CAMK4: variants seen among roughly 807,000 people sequenced by gnomAD.
CAMK4 encodes calcium/calmodulin dependent protein kinase IV, also known as calcium/calmodulin-dependent protein kinase type IV.
In CAMK4, 22 loss-of-function variants were observed where a neutral mutation model predicts 44.9. The ratio of observed to expected loss-of-function variants is 0.49; its 90% CI spans 0.35 to 0.70. The LOEUF (loss-of-function observed/expected upper bound fraction) is 0.70, where lower values mean the gene tolerates loss of function less well. Ranked by LOEUF, CAMK4 falls within the 30% of genes least tolerant of loss-of-function variation. The pLI is 0.01. For synonymous variants in CAMK4, 218 were observed against 215.4 expected, an observed-to-expected ratio of 1.01 and a Z score of -0.11; for missense variants, 498 against 586.8, an observed-to-expected ratio of 0.85 and a Z score of 1.56.
intron 7 of CAMK4, among the ~76,000 whole-genome samples, chr5:111,469,830 G>T (rs1183031963): frequency 6.6e-6 from 1 of 152,112 alleles, no homozygotes; most frequent in African/African-American, 2.4e-5. Flanking sequence ...ATAATATAAT[G>T]GGTAGCAGGT....
At chr5:111,375,248 T>C (rs1027421915) in intron 3 of CAMK4, among the ~76,000 whole-genome samples, 2 of 152,206 alleles carry the variant, frequency 1.3e-5, no homozygotes. Flanking sequence ...AATTTTCCAT[T>C]ACTGAAAAAG....
intron 1 of CAMK4, among the ~76,000 whole-genome samples, chr5:111,298,430 A>G (rs535003902): frequency 1.4e-3 from 215 of 152,330 alleles, no homozygotes; most frequent in African/African-American, 5.1e-3. Flanking sequence ...AGAGAATTCA[A>G]CTGCTTCTCT....
At chr5:111,398,326 G>T (rs1380206763) in intron 5 of CAMK4, among the ~76,000 whole-genome samples, 3 of 152,282 alleles carry the variant, frequency 2.0e-5, no homozygotes, top group South Asian at 2.1e-4. Context: ...TGTGGATGGG[G>T]TGTGAATTGT....
chr5:111,423,565 T>C (rs1753107677), intron 5 of CAMK4, among the ~76,000 whole-genome samples: 1 of 152,238 alleles, frequency 6.6e-6, no homozygotes, highest in South Asian at 2.1e-4. Flanking sequence ...CCTATAAAAT[T>C]GCTGTTGCAG....
At chr5:111,426,491 C>T (rs545529829) in intron 5 of CAMK4, among the ~76,000 whole-genome samples, 11 of 152,212 alleles carry the variant, frequency 7.2e-5, no homozygotes, top group Admixed American at 5.2e-4. Context: ...TTTGCAAAGA[C>T]GCCAAGTCAA....
intron 1 of CAMK4, among the ~76,000 whole-genome samples, chr5:111,313,426 G>GTCCTTATACTTAAGA: frequency 6.6e-6 from 1 of 151,988 alleles, no homozygotes; most frequent in African/African-American, 2.4e-5. Flanking sequence ...TAAGAAATAT[G>GTCCTTATACTTAAGA]AATATCCACA....
intron 1 of CAMK4, among the ~76,000 whole-genome samples, chr5:111,280,360 A>G (rs1360880119): frequency 6.6e-6 from 1 of 152,250 alleles, no homozygotes; most frequent in African/African-American, 2.4e-5. Context: ...GGCAGACAAA[A>G]ATGCAATGGC....
At chr5:111,467,974 T>A (rs1188599964) in intron 7 of CAMK4, among the ~76,000 whole-genome samples, 1 of 94,184 alleles carries the variant, frequency 1.1e-5, no homozygotes, top group Non-Finnish European at 2.5e-5. Flanking sequence ...ACACACACCA[T>A]GGAATACTAC....
At chr5:111,293,340 A>T (rs1216449044) in intron 1 of CAMK4, among the ~76,000 whole-genome samples, 2 of 152,242 alleles carry the variant, frequency 1.3e-5, no homozygotes, top group African/African-American at 4.8e-5. Context: ...CAATATTTTT[A>T]AACCTATTAA....
intron 4 of CAMK4, among the ~76,000 whole-genome samples, chr5:111,383,212 G>T (rs185519579): frequency 6.6e-6 from 1 of 152,144 alleles, no homozygotes; most frequent in Admixed American, 6.5e-5. Flanking sequence ...TCTAGAAAAG[G>T]CATGAAGGGA....
intron 2 of CAMK4, among the ~76,000 whole-genome samples, chr5:111,372,940 G>T (rs950422552): frequency 6.6e-6 from 1 of 152,106 alleles, no homozygotes; most frequent in African/African-American, 2.4e-5. Flanking sequence ...CATATTAACT[G>T]TCAGGTATTA....
chr5:111,332,925 G>A (rs1294934239), intron 1 of CAMK4, among the ~76,000 whole-genome samples: 4 of 151,668 alleles, frequency 2.6e-5, no homozygotes, highest in East Asian at 3.9e-4. Flanking sequence ...TACTGAACAA[G>A]TAAAATGTGG....
At chr5:111,402,113 A>T (rs948541332) in intron 5 of CAMK4, among the ~76,000 whole-genome samples, 6 of 152,222 alleles carry the variant, frequency 3.9e-5, no homozygotes, top group African/African-American at 1.4e-4. Context: ...AGAAAATCAG[A>T]GTCAGAAAGC....
chr5:111,435,904 T>A (rs534352005), intron 5 of CAMK4, among the ~76,000 whole-genome samples: 4 of 152,214 alleles, frequency 2.6e-5, no homozygotes, highest in Non-Finnish European at 4.4e-5. Context: ...TCACAACATA[T>A]ACTTGTTCTA....
intron 1 of CAMK4, among the ~76,000 whole-genome samples, chr5:111,251,642 A>G (rs1749499192): frequency 6.6e-6 from 1 of 152,184 alleles, no homozygotes; most frequent in African/African-American, 2.4e-5. Flanking sequence ...GAGTCTTCTT[A>G]TGTCTATGCT....
At chr5:111,321,487 A>G (rs1348335817) in intron 1 of CAMK4, among the ~76,000 whole-genome samples, 1 of 146,302 alleles carries the variant, frequency 6.8e-6, no homozygotes, top group Non-Finnish European at 1.5e-5. Context: ...GTTTCTTAAT[A>G]TTAAATGCTA....
In CAMK4 at chr5:111,290,912, A is replaced by G. The variant is rs1747228313; in HGVS notation, c.162-53112A>G. Reference sequence around the variant, plus strand: ...GGATTCCATCAAGAAACTTGGGCTTATATAGTCCAAATCCCATTTAAATTA... The same window carrying G: ...GGATTCCATCAAGAAACTTGGGCTTGTATAGTCCAAATCCCATTTAAATTA... On this transcript the variant is annotated intron_variant, in intron 1 of 10. Transcript: ENST00000282356. The surrounding 1 kb of genome is among the most constrained non-coding windows in gnomAD (Gnocchi z 4.5). 6.6e-6 allele frequency among the ~76,000 whole-genome samples: 1 copy of G among 152,226 alleles called. No individual in the cohort carries two copies. Among genetic ancestry groups the G allele is most frequent in the African/African-American group, 2.4e-5 (1 of 41,464 alleles).
intron 2 of CAMK4, among the ~76,000 whole-genome samples, chr5:111,351,409 CTT>C (rs1230580699): frequency 7.7e-5 from 11 of 142,594 alleles, no homozygotes; most frequent in Admixed American, 1.4e-4. Flanking sequence ...TTTTCTTTTT[CTT>C]TTTTTTTTTT....
chr5:111,268,189 T>C (rs1287159010), intron 1 of CAMK4, among the ~76,000 whole-genome samples: 1 of 152,232 alleles, frequency 6.6e-6, no homozygotes, highest in East Asian at 1.9e-4. Context: ...TCTCCTTTTA[T>C]ATATTTACTT....
Sources: gnomAD v4.1 joint callset for allele counts (sites outside exome capture counted in the v4.1 genomes callset) on GRCh38, gnomAD v4.1.1 for gene constraint, Gnocchi (gnomAD v3.1) non-coding constraint, MANE v1.5 for transcripts, NCBI Gene and HGNC (gene_info 2026-07-23, HGNC 2026-07-21) for gene names.